Variants in CNBD1 observed in about 807,000 individuals in gnomAD.
CNBD1 encodes cyclic nucleotide-binding domain-containing protein 1.
A neutral mutation model predicts 54.4 loss-of-function variants in CNBD1; 71 were observed. The observed-to-expected ratio is 1.30, with a 90% CI of 1.08 to 1.59. The LOEUF (loss-of-function observed/expected upper bound fraction) is 1.59, where lower values mean the gene tolerates loss of function less well. Among genes scored for constraint, CNBD1 ranks in the 40% most tolerant of loss-of-function variants. The probability of loss-of-function intolerance (pLI) is 0.00; values close to 1 mark genes in which losing one functional copy is unlikely to be tolerated. For synonymous variants in CNBD1, 182 were observed against 170.7 expected (o/e 1.07, Z -0.51); for missense variants, 659 against 518.0 (o/e 1.27, Z -2.64).
intron 4 of CNBD1, among the ~76,000 whole-genome samples, chr8:87,120,481 C>T (rs980326045): frequency 2.0e-5 from 3 of 151,780 alleles, no homozygotes; most frequent in Non-Finnish European, 4.4e-5. Context: ...GTTAGTCTAG[C>T]TAGTGTTAAT....
chr8:87,041,237 A>G (rs1365850484), intron 4 of CNBD1, among the ~76,000 whole-genome samples: 1 of 152,136 alleles, frequency 6.6e-6, no homozygotes, highest in African/African-American at 2.4e-5. Context: ...TAGGGGAGAC[A>G]TGTTTAGCTA....
chr8:87,362,942 T>A (rs1199736519), intron 10 of CNBD1, among the ~76,000 whole-genome samples: 1 of 151,972 alleles, frequency 6.6e-6, no homozygotes, highest in Non-Finnish European at 1.5e-5. Flanking sequence ...GCCGTGGTGG[T>A]TTGCTGTACC....
chr8:87,420,114 A>T (rs546555529), intron 2 of CNBD1, among the ~76,000 whole-genome samples: 1 of 151,940 alleles, frequency 6.6e-6, no homozygotes, highest in South Asian at 2.1e-4. Context: ...ACATTTACAG[A>T]ATAAAAGATA....
In CNBD1 at chr8:87,370,129, G is replaced by C. The variant is rs925573947; in HGVS notation, c.1304-12491G>C. Among the ~76,000 whole-genome samples, 4 of 151,788 alleles carry C rather than the reference G, an allele frequency of 2.6e-5. No homozygotes were observed. The East Asian group carries it at 7.8e-4, about 30-fold the overall frequency. On this transcript the variant is annotated intron_variant, in intron 10 of 10. Transcript: ENST00000518476. Reference sequence around the variant, plus strand: ...CATTTTCTTAATCCAGTCTATCATTGTTGGACATTTGGGTTGGTTCCAAGT... The same window carrying C: ...CATTTTCTTAATCCAGTCTATCATTCTTGGACATTTGGGTTGGTTCCAAGT...
rs527395540 is a variant in CNBD1 at position 87,226,491 on chromosome 8, G to C, written c.578-10428G>C. 2.5e-4 allele frequency among the ~76,000 whole-genome samples: 37 copies of C among 146,338 alleles called. 2 individuals carry two copies. The highest frequency in any genetic ancestry group is 9.3e-4 in the African/African-American group (35 of 37,526). ...ACATCTTTATTTCTGCCTTCATTTC[G>C]TTATGTACCCAGTAGTCATTCAGGA... On this transcript the variant is annotated intron_variant, in intron 5 of 10. Transcript: ENST00000518476.
intron 4 of CNBD1, among the ~76,000 whole-genome samples, chr8:87,002,729 A>G (rs1809018744): frequency 6.6e-6 from 1 of 151,408 alleles, no homozygotes; most frequent in African/African-American, 2.4e-5. Flanking sequence ...CATCCCTCTT[A>G]CCCTTATTTT....
Position 87,271,004 on chromosome 8 carries a change from TTA to T in CNBD1, c.772-13670_772-13669del, listed in dbSNP as rs560474776. ...TTCTTCATGGTTCTATCTTGGTAGG[TTA>T]TATGTGTCCAGGAATTTATCCATTT... On this transcript the variant is annotated intron_variant, in intron 6 of 10. Transcript: ENST00000518476. 1.6e-4 allele frequency among the ~76,000 whole-genome samples: 24 copies of T among 151,888 alleles called. 2 individuals carry two copies. In the South Asian group the frequency reaches 4.6e-3, roughly 29 times the overall value.
chr8:87,057,137 T>C (rs944443472), intron 4 of CNBD1, among the ~76,000 whole-genome samples: 1 of 152,232 alleles, frequency 6.6e-6, no homozygotes, highest in Non-Finnish European at 1.5e-5. Flanking sequence ...GAAAGGGCCA[T>C]GTATTCGTTC....
intron 4 of CNBD1, among the ~76,000 whole-genome samples, chr8:87,009,258 C>T (rs557677853): frequency 6.6e-6 from 1 of 151,778 alleles, no homozygotes; most frequent in Non-Finnish European, 1.5e-5. Context: ...TAATTTAATT[C>T]TACATATATT....
chr8:87,337,212 A>C (rs1809961518), intron 8 of CNBD1, among the ~76,000 whole-genome samples: 1 of 152,130 alleles, frequency 6.6e-6, no homozygotes, highest in African/African-American at 2.4e-5. Flanking sequence ...TTAACAAGGC[A>C]CTTTGGCTGT....
chr8:87,425,498 G>A (rs894062480), intron 2 of CNBD1, among the ~76,000 whole-genome samples: 2 of 152,112 alleles, frequency 1.3e-5, no homozygotes, highest in Non-Finnish European at 2.9e-5. Context: ...TGGGTTTTTG[G>A]TGTGGATGTC....
intron 5 of CNBD1, among the ~76,000 whole-genome samples, chr8:87,220,070 G>T (rs913647159): frequency 6.6e-6 from 1 of 151,746 alleles, no homozygotes; most frequent in African/African-American, 2.4e-5. Context: ...TTTTTTAAAG[G>T]ATTAATAATT....
chr8:86,975,897 C>CT (rs1312984739), intron 4 of CNBD1, among the ~76,000 whole-genome samples: 6 of 151,860 alleles, frequency 4.0e-5, no homozygotes, highest in Non-Finnish European at 7.4e-5. Context: ...ACTTGGTTAT[C>CT]TTTTTTCTTT....
At chr8:87,300,295 G>A (rs1271145192) in intron 8 of CNBD1, among the ~76,000 whole-genome samples, 1 of 152,032 alleles carries the variant, frequency 6.6e-6, no homozygotes, top group Non-Finnish European at 1.5e-5. Context: ...ATTAGACACA[G>A]ACACAGCATG....
At chr8:87,386,083 A>G (rs1363737362), downstream of CNBD1, among the ~76,000 whole-genome samples, 1 of 152,182 alleles carries the variant, frequency 6.6e-6, no homozygotes, top group African/African-American at 2.4e-5. Flanking sequence ...AAACTAACAG[A>G]AAGGACATCC....
At chr8:87,285,965 G>T (rs772418972) in intron 7 of CNBD1, among the ~76,000 whole-genome samples, 1 of 152,182 alleles carries the variant, frequency 6.6e-6, no homozygotes, top group Non-Finnish European at 1.5e-5. Context: ...CCAGGTGCAG[G>T]TCCTGCAGAA....
intron 5 of CNBD1, among the ~76,000 whole-genome samples, chr8:87,213,070 G>A (rs1292913829): frequency 1.3e-5 from 2 of 151,858 alleles, no homozygotes; most frequent in Non-Finnish European, 2.9e-5. Context: ...TTTCAGAGAA[G>A]ATATAAAAAT....
intron 4 of CNBD1, among the ~76,000 whole-genome samples, chr8:87,177,407 G>A (rs774962094): frequency 7.2e-5 from 11 of 152,170 alleles, no homozygotes; most frequent in Non-Finnish European, 1.2e-4. Flanking sequence ...AAAAAATTGG[G>A]AGATGGAGAA....
chr8:87,311,274 C>T (rs1011302792), intron 8 of CNBD1, among the ~76,000 whole-genome samples: 10 of 151,756 alleles, frequency 6.6e-5, no homozygotes, highest in African/African-American at 2.4e-4. Flanking sequence ...AAAAACTCAC[C>T]TAAAAAGTAG....
Sources: allele counts gnomAD v4.1 joint callset (sites outside exome capture counted in the v4.1 genomes callset), GRCh38; gene constraint gnomAD v4.1.1; transcripts MANE v1.5; gene names NCBI Gene and HGNC (gene_info 2026-07-23, HGNC 2026-07-21).